The following NTN4 variants were observed in gnomAD, a reference collection of about 807,000 sequenced individuals.
NTN4 encodes netrin-4.
NTN4 carries 32 observed loss-of-function variants against 73.6 expected under a neutral mutation model. That is an observed-to-expected ratio of 0.44 (90% CI 0.33 to 0.58). The LOEUF is 0.58. Ranked by LOEUF, NTN4 falls within the 20% of genes least tolerant of loss-of-function variation. The pLI, the probability that NTN4 is intolerant of heterozygous loss-of-function variation, is 0.04. For missense variants in NTN4, 654 were observed against 798.3 expected (o/e 0.82, Z 2.18); for synonymous variants, 258 against 287.5 (o/e 0.90, Z 1.04).
At chr12:95,786,493 T>C (rs1390337182) in intron 2 of NTN4, among the ~76,000 whole-genome samples, 1 of 152,214 alleles carries the variant, frequency 6.6e-6, no homozygotes, top group Non-Finnish European at 1.5e-5. Context: ...TACAAAAGTA[T>C]CCTTCTGTCA....
At chr12:95,776,546 G>A (rs1469260286) in intron 2 of NTN4, among the ~76,000 whole-genome samples, 1 of 152,216 alleles carries the variant, frequency 6.6e-6, no homozygotes, top group Non-Finnish European at 1.5e-5. Flanking sequence ...CGATCAACTG[G>A]AAGAAAGGAT....
At chr12:95,705,794 T>A (rs1414500749) in intron 5 of NTN4, among the ~76,000 whole-genome samples, 4 of 152,212 alleles carry the variant, frequency 2.6e-5, no homozygotes, top group African/African-American at 4.8e-5. Flanking sequence ...ACATTACAGA[T>A]AACTCACTAG....
At chr12:95,689,096 C>A (rs1021216400) in intron 5 of NTN4, among the ~76,000 whole-genome samples, 2 of 152,166 alleles carry the variant, frequency 1.3e-5, no homozygotes, top group African/African-American at 4.8e-5. Flanking sequence ...CCCATAAGCT[C>A]TCTTTCATTG....
intron 2 of NTN4, among the ~76,000 whole-genome samples, chr12:95,760,360 C>T (rs2121242923): frequency 6.6e-6 from 1 of 152,280 alleles, no homozygotes; most frequent in East Asian, 1.9e-4. Flanking sequence ...TAGAGTTTAC[C>T]TCACACATAT....
At chr12:95,710,694 T>C in intron 4 of NTN4, 65 bp from the exon 5 acceptor site, 1 of 1,477,994 alleles carries the variant, frequency 6.8e-7, no homozygotes. Context: ...TTATCTCATA[T>C]TCAGATAGGT....
In NTN4 at chr12:95,659,322, G is replaced by A. The variant is rs997402345; in HGVS notation, c.1751-100C>T. 4.1e-5 allele frequency: 36 copies of A among 867,524 alleles called. No homozygotes were observed. In the Middle Eastern group the frequency reaches 1.1e-3, roughly 27 times the overall value. 53.7% of individuals were successfully genotyped at this position (867,524 alleles called of 1,614,324 possible). A position where few individuals can be genotyped will look rare whatever the true frequency, so the allele number is the denominator to read the frequency against. On this transcript the variant is annotated intron_variant, in intron 9 of 9. Transcript: ENST00000343702. ...TCTTTTGCATTTATTTTGAGACAAGGTCTTGCTCTGTTACCCAGGCTGGAG... is the reference window on the plus strand; with the variant it reads ...TCTTTTGCATTTATTTTGAGACAAGATCTTGCTCTGTTACCCAGGCTGGAG...
intron 2 of NTN4, among the ~76,000 whole-genome samples, chr12:95,779,661 A>G (rs1390705786): frequency 6.6e-6 from 1 of 152,076 alleles, no homozygotes; most frequent in Non-Finnish European, 1.5e-5. Context: ...AAAAGAGAAT[A>G]CAAACAAATG....
chr12:95,729,084 AC>A (rs1370103863), intron 3 of NTN4, among the ~76,000 whole-genome samples: 4 of 152,104 alleles, frequency 2.6e-5, no homozygotes, highest in Admixed American at 6.6e-5. Flanking sequence ...CTTATAAGTT[AC>A]CCAGTCTCAG....
intron 3 of NTN4, among the ~76,000 whole-genome samples, chr12:95,725,650 T>C (rs892126016): frequency 6.6e-6 from 1 of 152,154 alleles, no homozygotes; most frequent in Non-Finnish European, 1.5e-5. Context: ...GAGCCCCTGA[T>C]TGTAGTACAA....
intron 5 of NTN4, among the ~76,000 whole-genome samples, chr12:95,693,628 G>A (rs886072959): frequency 6.6e-6 from 1 of 151,310 alleles, no homozygotes; most frequent in Non-Finnish European, 1.5e-5. Context: ...ATACTCAGGA[G>A]GCTGAGGCAG....
At chr12:95,692,698 G>A (rs2078410344) in intron 5 of NTN4, among the ~76,000 whole-genome samples, 1 of 152,078 alleles carries the variant, frequency 6.6e-6, no homozygotes, top group Non-Finnish European at 1.5e-5. Flanking sequence ...CAATCACAAA[G>A]GCTGACAATA....
chr12:95,697,213 A>G (rs2078449111), intron 5 of NTN4, among the ~76,000 whole-genome samples: 1 of 152,018 alleles, frequency 6.6e-6, no homozygotes, highest in East Asian at 1.9e-4. Context: ...TTCTAACTTG[A>G]TAGGGGACAT....
At chr12:95,671,894 G>A (rs998679922) in intron 7 of NTN4, among the ~76,000 whole-genome samples, 1 of 151,954 alleles carries the variant, frequency 6.6e-6, no homozygotes, top group East Asian at 1.9e-4. Context: ...CATTTCATAG[G>A]CATTGAGTGG....
intron 1 of NTN4, among the ~76,000 whole-genome samples, chr12:95,788,100 A>G (rs1485104029): frequency 6.6e-6 from 1 of 152,248 alleles, no homozygotes; most frequent in East Asian, 1.9e-4. Context: ...AGGCAAAGCT[A>G]GAGACCTTTG....
At chr12:95,701,488 C>T (rs1252483282) in intron 5 of NTN4, among the ~76,000 whole-genome samples, 1 of 152,072 alleles carries the variant, frequency 6.6e-6, no homozygotes, top group Admixed American at 6.5e-5. Flanking sequence ...AAACAAACAA[C>T]ATCCCTGGAA....
At chr12:95,746,218 A>G (rs1565905337) in intron 2 of NTN4, among the ~76,000 whole-genome samples, 1 of 152,168 alleles carries the variant, frequency 6.6e-6, no homozygotes, top group Non-Finnish European at 1.5e-5. Context: ...GTGGCGAGCA[A>G]TATCTGCAGT....
chr12:95,713,340 T>C lies in NTN4; in HGVS notation c.865-2A>G. ...CTTACACATACACTTCCCATGGACC[T>C]ACAAGCAACATCAAGTGAGAACTAT... is the stretch of plus-strand genomic sequence containing the variant. On this transcript the variant is annotated splice_acceptor_variant, in intron 3 of 9. Coordinates refer to ENST00000343702, the MANE Select transcript of NTN4 (RefSeq NM_021229.4). LOFTEE classifies it high-confidence loss of function. The C allele has an allele frequency of 6.3e-7, 1 of 1,586,148 alleles. No homozygotes were observed.
chr12:95,747,557 G>T (rs1001856758), intron 2 of NTN4, among the ~76,000 whole-genome samples: 6 of 151,964 alleles, frequency 3.9e-5, no homozygotes, highest in Admixed American at 3.9e-4. Flanking sequence ...TCCTGCCTTG[G>T]TCTCTCAAAG....
intron 9 of NTN4, among the ~76,000 whole-genome samples, chr12:95,660,138 C>T (rs1021668887): frequency 5.9e-5 from 9 of 152,076 alleles, no homozygotes; most frequent in Admixed American, 6.6e-5. Context: ...CTCGGCTTCC[C>T]AAATAGCTGG....
Sources: allele counts gnomAD v4.1 joint callset (sites outside exome capture counted in the v4.1 genomes callset), GRCh38; gene constraint gnomAD v4.1.1; transcripts MANE v1.5; gene names NCBI Gene and HGNC (gene_info 2026-07-23, HGNC 2026-07-21).